LAX1: variants seen among roughly 807,000 people sequenced by gnomAD.
LAX1 encodes the protein lymphocyte transmembrane adapter 1.
Under a neutral mutation model 20.7 loss-of-function variants are expected in LAX1, and 17 were observed. The ratio of observed to expected loss-of-function variants is 0.82; its 90% CI spans 0.56 to 1.23. The LOEUF (loss-of-function observed/expected upper bound fraction) is 1.23. LAX1 is among the 50% of genes most tolerant of loss of function. The pLI is 0.00. For missense variants in LAX1, 470 were observed against 487.0 expected, an observed-to-expected ratio of 0.97 and a Z score of 0.33; for synonymous variants, 165 against 181.0, an observed-to-expected ratio of 0.91 and a Z score of 0.71.
intron 4 of LAX1, among the ~76,000 whole-genome samples, chr1:203,772,422 A>AT (rs200200760): frequency 0.052 from 7,907 of 151,470 alleles, 311 homozygotes; most frequent in Non-Finnish European, 0.084. Context: ...TGATTGGTAT[A>AT]TTTTTTTTTC....
intron 1 of LAX1, among the ~76,000 whole-genome samples, chr1:203,770,491 AAGGAAGGAAGGAAGGAAGG>A (rs1571805260): frequency 4.2e-4 from 34 of 80,972 alleles, no homozygotes; most frequent in African/African-American, 1.4e-3. Context: ...GGAAGGAAGG[AAGGAAGGAAGGAAGGAAGG>A]AAGAAAGAAA....
At chr1:203,772,886 G>A (rs1023215988) in intron 4 of LAX1, among the ~76,000 whole-genome samples, 3 of 150,824 alleles carry the variant, frequency 2.0e-5, no homozygotes, top group African/African-American at 7.3e-5. Context: ...ATATTGCCCA[G>A]GCTGGTCTCA....
Position 203,774,487 on chromosome 1 carries a change from G to A in LAX1, c.1003G>A (p.Val335Ile). 1 of 1,614,230 alleles carries A rather than the reference G, an allele frequency of 6.2e-7. No homozygotes were observed. The highest frequency in any genetic ancestry group is 8.5e-7 in the Non-Finnish European group (1 of 1,180,044). ...TDDPGTHVQC[V>I]KRTFLASGDY... Reference sequence around the variant, plus strand: ...TGATCCCGGGACCCATGTCCAATGTGTCAAAAGGACATTCCTTGCTTCAGG... The same window carrying A: ...TGATCCCGGGACCCATGTCCAATGTATCAAAAGGACATTCCTTGCTTCAGG... The change falls in exon 5 of 5, where the codon GTC becomes ATC. Residue 335 changes from valine to isoleucine, a missense_variant. Physicochemically the swap from Val to Ile is conservative, Grantham distance 29 (BLOSUM62 3). Transcript: ENST00000442561.
At chr1:203,768,694 A>G (rs1165876606) in intron 1 of LAX1, among the ~76,000 whole-genome samples, 1 of 152,230 alleles carries the variant, frequency 6.6e-6, no homozygotes, top group Non-Finnish European at 1.5e-5. Context: ...AGTGATGAGT[A>G]GAGGAGGGAT....
In LAX1 at chr1:203,765,662, A is replaced by G. The variant is rs1320363945; in HGVS notation, c.89+8A>G. 4 of 1,613,704 alleles carry G rather than the reference A, an allele frequency of 2.5e-6. No individual in the cohort carries two copies. The highest frequency in any genetic ancestry group is 3.4e-6 in the Non-Finnish European group (4 of 1,179,906). ...TCCCCGCAGCCTGGACAGGTGAGTG[A>G]CTCAGGGTGGTGAGCTCCACCCTGC... On this transcript the variant is annotated splice_region_variant and intron_variant, in intron 1 of 4. Transcript: ENST00000442561.
At chr1:203,771,984 C>T (rs1432220892) in intron 3 of LAX1, 84 bp from the exon 4 acceptor site, 7 of 1,127,030 alleles carry the variant, frequency 6.2e-6, no homozygotes, top group Middle Eastern at 2.0e-4. Context: ...CACGCAAACC[C>T]GCTTCATCCA....
At chr1:203,771,675 G>A (rs3737975) in intron 3 of LAX1, among the ~76,000 whole-genome samples, 198 bp downstream of exon 3, 1 of 152,132 alleles carries the variant, frequency 6.6e-6, no homozygotes, top group African/African-American at 2.4e-5. Flanking sequence ...GGGAGCAGAG[G>A]GTCATCTGGG....
chr1:203,767,701 GT>G (rs1454836988), intron 1 of LAX1, among the ~76,000 whole-genome samples: 2 of 152,024 alleles, frequency 1.3e-5, no homozygotes, highest in African/African-American at 4.8e-5. Context: ...TAATTCATTT[GT>G]TTATTAATTC....
intron 3 of LAX1, among the ~76,000 whole-genome samples, chr1:203,771,801 G>A (rs1481060231): frequency 1.3e-5 from 2 of 152,166 alleles, no homozygotes; most frequent in African/African-American, 4.8e-5. Context: ...CAGAGGATGG[G>A]GCAGGGAGGA....
At position 203,774,423 on chromosome 1, in the gene LAX1, G is replaced by T. The variant is rs773361355; in HGVS notation, c.939G>T (p.Val313=). 2 of 1,614,102 alleles carry T rather than the reference G, an allele frequency of 1.2e-6. No homozygotes were observed. The highest frequency in any genetic ancestry group is 1.1e-5 in the South Asian group (1 of 91,094). ...SGSQQQAEKD[V]PSSNIGHVED... ...GCCAGCAGCAGGCTGAGAAAGATGT[G>T]CCATCCTCAAACATAGGTCATGTCG... The change falls in exon 5 of 5, where the codon GTG becomes GTT. Residue 313 remains valine, a synonymous_variant. Coordinates refer to ENST00000442561, the MANE Select transcript of LAX1 (RefSeq NM_017773.4).
chr1:203,769,416 A>G (rs1257815648), intron 1 of LAX1, among the ~76,000 whole-genome samples: 3 of 92,086 alleles, frequency 3.3e-5, no homozygotes, highest in Non-Finnish European at 5.4e-5. Context: ...AAAGAAAGAA[A>G]GAAAGAAAGA....
chr1:203,772,060 C>T lies in LAX1; in HGVS notation c.311-8C>T, dbSNP rs1667430802. On this transcript the variant is annotated splice_polypyrimidine_tract_variant and splice_region_variant and intron_variant, in intron 3 of 4. Coordinates refer to ENST00000442561, the MANE Select transcript of LAX1 (RefSeq NM_017773.4). The stretch of plus-strand genomic sequence containing the variant: ...GCTATCTTCAGGATTTGTTCTCTGT[C>T]CTTTCAGGGAGACATGAGTCGAGGA... The T allele has an allele frequency of 6.2e-7, 1 of 1,611,136 alleles. No individual in the cohort carries two copies.
rs1229570646 is a variant in LAX1, at chr1:203,776,231, A to T, written c.*1550A>T. 6.6e-6 allele frequency: 1 copy of T among 151,828 alleles called. No homozygotes were observed. The highest frequency in any genetic ancestry group is 6.6e-5 in the Admixed American group (1 of 15,186). 9.4% of individuals were successfully genotyped at this position (151,828 alleles called of 1,614,324 possible). On this transcript the variant is annotated 3_prime_UTR_variant, in exon 5 of 5. Coordinates refer to ENST00000442561, the MANE Select transcript of LAX1 (RefSeq NM_017773.4). ...TCATATTTGTAAAACTACAAAAATTAGCTTGGCATGGTGGTGTGCGCCTGT... is the reference window on the plus strand; with the variant it reads ...TCATATTTGTAAAACTACAAAAATTTGCTTGGCATGGTGGTGTGCGCCTGT...
intron 1 of LAX1, among the ~76,000 whole-genome samples, chr1:203,770,510 GAAGAAAGAAAGAAAGA>G (rs1326354763): frequency 3.6e-4 from 6 of 16,884 alleles, no homozygotes; most frequent in African/African-American, 6.2e-4. Context: ...AGGAAGGAAG[GAAGAAAGAAAGAAAGA>G]AAGAAAGAAA....
intron 1 of LAX1, among the ~76,000 whole-genome samples, 158 bp downstream of exon 1, chr1:203,765,812 G>A (rs1188955935): frequency 6.6e-6 from 1 of 152,162 alleles, no homozygotes; most frequent in Non-Finnish European, 1.5e-5. Context: ...CATTTGCTCA[G>A]GGGTGCTAGG....
intron 4 of LAX1, among the ~76,000 whole-genome samples, chr1:203,772,921 C>T (rs1442481664): frequency 6.6e-6 from 1 of 152,070 alleles, no homozygotes; most frequent in African/African-American, 2.4e-5. Flanking sequence ...AGCAATCTGC[C>T]CGCCTTGGCC....
chr1:203,767,905 A>C (rs1233436882), intron 1 of LAX1, among the ~76,000 whole-genome samples: 1 of 152,116 alleles, frequency 6.6e-6, no homozygotes, highest in Non-Finnish European at 1.5e-5. Flanking sequence ...CAGGAGGATC[A>C]ATTGAGCCCA....
At chr1:203,765,750 C>G (rs1667294085) in intron 1 of LAX1, 96 bp downstream of exon 1, 1 of 1,118,630 alleles carries the variant, frequency 8.9e-7, no homozygotes, top group African/African-American at 1.5e-5. Context: ...GTGCTGCCAC[C>G]TCTCAACACC....
rs188406178 is a variant in LAX1 at position 203,774,977 on chromosome 1, T to C, written c.*296T>C. 1.0e-5 allele frequency: 4 copies of C among 391,140 alleles called. No individual in the cohort carries two copies. The Admixed American group carries it at 1.7e-4, about 16-fold the overall frequency. The allele number at this position is 391,140 out of a possible 1,614,324, so 24.2% of individuals were successfully genotyped here. ...AAAGCAGGAAAGTAGTGCACAGTAG[T>C]CTAAGATTATTACCTTCATTAATAC... On this transcript the variant is annotated 3_prime_UTR_variant, in exon 5 of 5. Transcript: ENST00000442561.
Sources: gnomAD v4.1 joint callset for allele counts (sites outside exome capture counted in the v4.1 genomes callset) on GRCh38, gnomAD v4.1.1 for gene constraint, MANE v1.5 for transcripts, NCBI Gene and HGNC (gene_info 2026-07-23, HGNC 2026-07-21) for gene names.